Variants in PARPBP observed in about 807,000 individuals in gnomAD.
PARPBP encodes the protein PCNA-interacting partner.
In PARPBP, 52 loss-of-function variants were observed where a neutral mutation model predicts 50.0. The observed-to-expected ratio is 1.04, with a 90% CI of 0.83 to 1.31. The LOEUF is 1.31. Ranked by LOEUF, PARPBP falls within the 50% of genes most tolerant of loss-of-function variation. PARPBP has a pLI of 0.00. For synonymous variants in PARPBP, 244 were observed against 232.1 expected, an observed-to-expected ratio of 1.05 and a Z score of -0.47; for missense variants, 697 against 672.0, an observed-to-expected ratio of 1.04 and a Z score of -0.41.
At chr12:102,154,991 T>C in intron 4 of PARPBP, 1 of 327,720 alleles carries the variant, frequency 3.1e-6, no homozygotes, top group Non-Finnish European at 5.9e-6. Flanking sequence ...TTTCTACTGA[T>C]TCCAGGTCTT....
In PARPBP at chr12:102,197,083, G is replaced by C; in HGVS notation, c.*792G>C. The C allele has an allele frequency of 6.2e-7, 1 of 1,611,970 alleles. No individual in the cohort carries two copies. Among genetic ancestry groups the C allele is most frequent in the African/African-American group, 1.3e-5 (1 of 74,932 alleles). On this transcript the variant is annotated 3_prime_UTR_variant, in exon 11 of 11. Coordinates refer to ENST00000327680, the MANE Select transcript of PARPBP (RefSeq NM_017915.5). ...CTGAACTCCATTCTCAGCTGGGAAA[G>C]CTACAGATCCTTTTAGTGCAAGATA...
chr12:102,157,947 C>T (rs1001375255), intron 4 of PARPBP, among the ~76,000 whole-genome samples: 3 of 151,702 alleles, frequency 2.0e-5, no homozygotes, highest in African/African-American at 4.8e-5. Flanking sequence ...GGTGAACCCT[C>T]GTCTCTACTA....
At chr12:102,144,348 A>C (rs1885073250) in intron 2 of PARPBP, among the ~76,000 whole-genome samples, 1 of 152,202 alleles carries the variant, frequency 6.6e-6, no homozygotes, top group South Asian at 2.1e-4. Flanking sequence ...TCAGAGAATT[A>C]AAGTGGTGAA....
intron 4 of PARPBP, among the ~76,000 whole-genome samples, chr12:102,157,451 CT>C (rs200216801): frequency 0.039 from 5,584 of 145,010 alleles, 382 homozygotes; most frequent in East Asian, 0.3. Context: ...TTCCCCTAAT[CT>C]TTTTTTTTTT....
intron 2 of PARPBP, among the ~76,000 whole-genome samples, chr12:102,147,383 G>A (rs1885522163): frequency 6.6e-6 from 1 of 152,076 alleles, no homozygotes; most frequent in Non-Finnish European, 1.5e-5. Context: ...ATACTATGCA[G>A]CCATGAAAAA....
At chr12:102,173,701 C>G (rs1220075742) in intron 6 of PARPBP, among the ~76,000 whole-genome samples, 6 of 151,760 alleles carry the variant, frequency 4.0e-5, no homozygotes, top group African/African-American at 1.5e-4. Context: ...GTGAAAGTCC[C>G]TGCTTGTCCT....
At position 102,147,326 on chromosome 12, in the gene PARPBP, A is replaced by C. The variant is rs548490108; in HGVS notation, c.154-904A>C. 5.3e-5 allele frequency among the ~76,000 whole-genome samples: 8 copies of C among 152,266 alleles called. No homozygotes were observed. The East Asian group carries it at 1.5e-3, about 29-fold the overall frequency. ...GACTTGGAACCAACCCAAATGTCCA[A>C]CAATGATAGACTGGATTAAGAAAAT... On this transcript the variant is annotated intron_variant, in intron 2 of 10. Transcript: ENST00000327680.
intron 2 of PARPBP, among the ~76,000 whole-genome samples, chr12:102,132,506 G>T (rs1883023534): frequency 6.6e-6 from 1 of 152,028 alleles, no homozygotes; most frequent in Admixed American, 6.6e-5. Flanking sequence ...CTGTTCCACT[G>T]GTCTATCCGT....
intron 2 of PARPBP, among the ~76,000 whole-genome samples, chr12:102,143,979 C>A (rs1442864263): frequency 6.6e-6 from 1 of 152,142 alleles, no homozygotes; most frequent in African/African-American, 2.4e-5. Flanking sequence ...ACCACTCTTT[C>A]CCCTCAAAAC....
At chr12:102,154,583 G>T (rs1257636468) in intron 4 of PARPBP, among the ~76,000 whole-genome samples, 1 of 152,124 alleles carries the variant, frequency 6.6e-6, no homozygotes, top group Non-Finnish European at 1.5e-5. Context: ...GGGGCCTGGG[G>T]AGTCATACCT....
chr12:102,159,998 C>T (rs1887389025), intron 4 of PARPBP, among the ~76,000 whole-genome samples: 1 of 152,152 alleles, frequency 6.6e-6, no homozygotes, highest in Admixed American at 6.5e-5. Flanking sequence ...ATAAACAGAA[C>T]AGTATCCTTA....
At position 102,196,560 on chromosome 12, in the gene PARPBP, ACAC is replaced by A; in HGVS notation, c.*270_*272del. The A allele has an allele frequency of 6.6e-6, 6 of 915,624 alleles. No homozygotes were observed. The South Asian group carries it at 6.7e-5, about 10-fold the overall frequency. The allele number at this position is 915,624 out of a possible 1,614,324, so 56.7% of individuals were successfully genotyped here. On this transcript the variant is annotated 3_prime_UTR_variant, in exon 11 of 11. Coordinates refer to ENST00000327680, the MANE Select transcript of PARPBP (RefSeq NM_017915.5). ...TTCTTTTAAAACAGACATTTAACAT[ACAC>A]AAGTTATAGTAGCAGTATGGGCTTC...
rs753543416 is a variant in PARPBP, at chr12:102,164,582, C to A, written c.640C>A (p.Arg214=). 4 of 1,613,302 alleles carry A rather than the reference C, an allele frequency of 2.5e-6. No homozygotes were observed. Among genetic ancestry groups the A allele is most frequent in the East Asian group, 4.5e-5 (2 of 44,816 alleles). Residue 214 remains arginine, a synonymous_variant, in exon 5 of 11, where the codon CGA becomes AGA. Transcript: ENST00000327680. ...EAFTDLKHAA[R]EKQMSIFLVA... is the part of the protein sequence containing the mutation. ...CTTCACTGATTTGAAACATGCTGCT[C>A]GAGAGAAACAAATGTCTATCTTTTT...
Position 102,178,651 on chromosome 12 carries a change from C to T in PARPBP, c.1065C>T (p.Ala355=). Residue 355 remains alanine, a synonymous_variant, in exon 8 of 11, where the codon GCC becomes GCT. Coordinates refer to ENST00000327680, the MANE Select transcript of PARPBP (RefSeq NM_017915.5). ...TAYCGRDTVK[A]LLVLLDEEAA... Reference sequence around the variant, plus strand: ...ACTGTGGCAGAGATACTGTGAAAGCCTTATTAGTTCTTTTGGACGAAGAAG... The same window carrying T: ...ACTGTGGCAGAGATACTGTGAAAGCTTTATTAGTTCTTTTGGACGAAGAAG... 1 of 1,613,536 alleles carries T rather than the reference C, an allele frequency of 6.2e-7. No homozygotes were observed. Among genetic ancestry groups the T allele is most frequent in the Non-Finnish European group, 8.5e-7 (1 of 1,179,632 alleles).
At chr12:102,152,958 G>A (rs1220851943) in intron 3 of PARPBP, among the ~76,000 whole-genome samples, 1 of 150,592 alleles carries the variant, frequency 6.6e-6, no homozygotes, top group African/African-American at 2.4e-5. Context: ...AGGAAAAAGA[G>A]GAGTTAAACA....
chr12:102,182,650 A>G, intron 9 of PARPBP, 23 bp downstream of exon 9: 1 of 1,443,198 alleles, frequency 6.9e-7, no homozygotes, highest in Non-Finnish European at 9.7e-7. Context: ...GCATGCCATG[A>G]AAATAGCAAA....
chr12:102,160,948 CAAA>C (rs879283980), intron 4 of PARPBP, among the ~76,000 whole-genome samples: 1 of 128,620 alleles, frequency 7.8e-6, no homozygotes. Flanking sequence ...AACATCATCT[CAAA>C]AAAAAAAAAT....
intron 4 of PARPBP, among the ~76,000 whole-genome samples, chr12:102,157,678 T>C (rs1426497786): frequency 6.6e-6 from 1 of 152,160 alleles, no homozygotes; most frequent in Non-Finnish European, 1.5e-5. Context: ...AGTACAAAGA[T>C]GTAGTTTTTC....
chr12:102,149,307 A>G (rs1885875822), intron 3 of PARPBP, among the ~76,000 whole-genome samples: 1 of 152,256 alleles, frequency 6.6e-6, no homozygotes, highest in Admixed American at 6.5e-5. Flanking sequence ...AAATAGAAGT[A>G]TAACTCTTTT....
Sources: gnomAD v4.1 joint callset for allele counts (sites outside exome capture counted in the v4.1 genomes callset) on GRCh38, gnomAD v4.1.1 for gene constraint, MANE v1.5 for transcripts, NCBI Gene and HGNC (gene_info 2026-07-23, HGNC 2026-07-21) for gene names.